Variants in TMEM131L observed in about 807,000 individuals in gnomAD.
The protein encoded by TMEM131L is transmembrane 131 like.
In TMEM131L, 54 loss-of-function variants were observed where a neutral mutation model predicts 192.2. That is an observed-to-expected ratio of 0.28 (90% confidence interval 0.23 to 0.35). The LOEUF (loss-of-function observed/expected upper bound fraction) is 0.35. Among genes scored for constraint, TMEM131L ranks in the 10% least tolerant of loss-of-function variants. TMEM131L has a pLI of 1.00. For missense variants in TMEM131L, 1,888 were observed against 1,972.9 expected (o/e 0.96, Z 0.82); for synonymous variants, 701 against 704.9 (o/e 0.99, Z 0.09).
chr4:153,542,332 G>A (rs769075887), intron 3 of TMEM131L, among the ~76,000 whole-genome samples: 6 of 152,156 alleles, frequency 3.9e-5, no homozygotes, highest in Non-Finnish European at 7.3e-5. Context: ...GTAGCCAGTG[G>A]AGAGGCCAAG....
intron 3 of TMEM131L, among the ~76,000 whole-genome samples, chr4:153,496,415 T>C (rs1253669885): frequency 7.2e-5 from 11 of 152,312 alleles, no homozygotes; most frequent in Non-Finnish European, 5.9e-5. Context: ...GTCAGTATTA[T>C]TCAGCAGGGA....
intron 26 of TMEM131L, 45 bp from the exon 27 acceptor site, chr4:153,620,711 T>G: frequency 8.0e-7 from 1 of 1,250,292 alleles, no homozygotes; most frequent in Non-Finnish European, 1.1e-6. Flanking sequence ...ATGTTTTTAT[T>G]CATATTTAGT....
At chr4:153,616,054 C>A (rs989211673) in intron 26 of TMEM131L, among the ~76,000 whole-genome samples, 2 of 152,164 alleles carry the variant, frequency 1.3e-5, no homozygotes, top group African/African-American at 4.8e-5. Flanking sequence ...TTCTTGCTGT[C>A]GGTCTCAGTG....
rs575170181 is a variant in TMEM131L at position 153,478,352 on chromosome 4, G to A, written c.239+4464G>A. Among the ~76,000 whole-genome samples, 3 of 152,158 alleles carry A rather than the reference G, an allele frequency of 2.0e-5. No homozygotes were observed. In the South Asian group the frequency reaches 6.2e-4, roughly 32 times the overall value. On this transcript the variant is annotated intron_variant, in intron 3 of 34. Transcript: ENST00000409959. ...ATTTACCTTCTACCTTCTTAATTTT[G>A]TAACTTCCCCAAAACCCACCTTATT...
intron 19 of TMEM131L, among the ~76,000 whole-genome samples, chr4:153,594,704 G>A (rs13141748): frequency 0.27 from 40,604 of 152,028 alleles, 5,753 homozygotes; most frequent in Non-Finnish European, 0.33. Flanking sequence ...CAGAAGGAGG[G>A]AGACCACAGA....
intron 3 of TMEM131L, among the ~76,000 whole-genome samples, chr4:153,527,041 C>T (rs1021490992): frequency 6.6e-6 from 1 of 152,062 alleles, no homozygotes; most frequent in Non-Finnish European, 1.5e-5. Flanking sequence ...GGTTATTTAA[C>T]CCTCCATGAA....
chr4:153,527,632 G>A (rs546704022), intron 3 of TMEM131L, among the ~76,000 whole-genome samples: 2 of 152,176 alleles, frequency 1.3e-5, no homozygotes, highest in Non-Finnish European at 2.9e-5. Context: ...GCAAGTGTAT[G>A]TGACCCCACC....
chr4:153,523,503 CA>C, intron 3 of TMEM131L, among the ~76,000 whole-genome samples: 1 of 152,236 alleles, frequency 6.6e-6, no homozygotes, highest in Non-Finnish European at 1.5e-5. Flanking sequence ...AAATCTGTGG[CA>C]TAAGTCTGAA....
intron 3 of TMEM131L, among the ~76,000 whole-genome samples, chr4:153,548,840 G>A (rs950950528): frequency 6.6e-6 from 1 of 152,138 alleles, no homozygotes; most frequent in African/African-American, 2.4e-5. Flanking sequence ...GTTGCTGAAA[G>A]GTCACAAAGC....
At chr4:153,524,989 A>T (rs1355280610) in intron 3 of TMEM131L, among the ~76,000 whole-genome samples, 1 of 152,182 alleles carries the variant, frequency 6.6e-6, no homozygotes, top group Non-Finnish European at 1.5e-5. Context: ...AGCAGGGGCT[A>T]TCTCTGTAAG....
At chr4:153,605,636 T>A (rs1732177692) in intron 25 of TMEM131L, among the ~76,000 whole-genome samples, 1 of 152,238 alleles carries the variant, frequency 6.6e-6, no homozygotes, top group African/African-American at 2.4e-5. Flanking sequence ...ATTACAAGCG[T>A]GAGCCACTGC....
At chr4:153,556,813 T>C (rs1427923856) in intron 5 of TMEM131L, among the ~76,000 whole-genome samples, 153 bp from the exon 6 acceptor site, 1 of 151,098 alleles carries the variant, frequency 6.6e-6, no homozygotes, top group Non-Finnish European at 1.5e-5. Context: ...TGGATGCTGA[T>C]CAGTTTGGGG....
intron 3 of TMEM131L, among the ~76,000 whole-genome samples, chr4:153,548,741 G>C (rs1207682738): frequency 2.6e-5 from 4 of 152,196 alleles, no homozygotes; most frequent in African/African-American, 9.7e-5. Context: ...ATTGCAACTA[G>C]ATTCTTCCTG....
chr4:153,570,995 T>C (rs765114943), intron 7 of TMEM131L, among the ~76,000 whole-genome samples: 22 of 152,212 alleles, frequency 1.4e-4, no homozygotes, highest in Admixed American at 7.8e-4. Context: ...TGTGTTGCTC[T>C]CTTTCTTTTT....
At chr4:153,622,829 T>C in intron 28 of TMEM131L, 69 bp from the exon 29 acceptor site, 1 of 1,517,532 alleles carries the variant, frequency 6.6e-7, no homozygotes, top group Non-Finnish European at 9.1e-7. Context: ...GTCACCTCTC[T>C]CTTTCTGTTA....
At chr4:153,572,749 ACAGTT>A (rs1561203215) in intron 7 of TMEM131L, among the ~76,000 whole-genome samples, 1 of 152,216 alleles carries the variant, frequency 6.6e-6, no homozygotes, top group Non-Finnish European at 1.5e-5. Flanking sequence ...TTGTATGCGT[ACAGTT>A]CACTGGCAGT....
rs9884768 is a variant in TMEM131L at position 153,591,902 on chromosome 4, A to G, written c.1813-573A>G. ...CAAAAAGAAAAGAATCTTTTTGCAAAGATTCATCAATTTTTAATGTTTGCC... is the reference window on the plus strand; with the variant it reads ...CAAAAAGAAAAGAATCTTTTTGCAAGGATTCATCAATTTTTAATGTTTGCC... On this transcript the variant is annotated intron_variant, in intron 17 of 34. Coordinates refer to ENST00000409959, the MANE Select transcript of TMEM131L (RefSeq NM_001131007.2). Among the ~76,000 whole-genome samples, 1,388 of 152,276 alleles carry G rather than the reference A, an allele frequency of 9.1e-3. 15 individuals are homozygous for G. The highest frequency in any genetic ancestry group is 0.031 in the African/African-American group (1,293 of 41,532).
chr4:153,480,050 C>CA (rs2149789044), intron 3 of TMEM131L, among the ~76,000 whole-genome samples: 1 of 152,256 alleles, frequency 6.6e-6, no homozygotes, highest in South Asian at 2.1e-4. Context: ...ACTAAAAATA[C>CA]AAAAATAGGC....
intron 21 of TMEM131L, among the ~76,000 whole-genome samples, chr4:153,600,597 C>T (rs1561230562): frequency 1.3e-5 from 2 of 152,138 alleles, no homozygotes; most frequent in Non-Finnish European, 2.9e-5. Context: ...GGAACTGAAA[C>T]AGAAATAAAC....
Sources: allele counts gnomAD v4.1 joint callset (sites outside exome capture counted in the v4.1 genomes callset), GRCh38; gene constraint gnomAD v4.1.1; transcripts MANE v1.5; gene names NCBI Gene and HGNC (gene_info 2026-07-23, HGNC 2026-07-21).